The following TWSG1 variants were observed in gnomAD, a reference collection of about 807,000 sequenced individuals.
The protein encoded by TWSG1 is twisted gastrulation BMP signaling modulator 1.
TWSG1 carries 15 observed loss-of-function variants against 23.0 expected under a neutral mutation model. The observed-to-expected ratio is 0.65, with a 90% confidence interval of 0.44 to 1.00. TWSG1 has a LOEUF of 1.00. Ranked by LOEUF, TWSG1 falls within the 50% of genes least tolerant of loss-of-function variation. TWSG1 has a pLI of 0.00. For synonymous variants in TWSG1, 86 were observed against 92.8 expected, an observed-to-expected ratio of 0.93 and a Z score of 0.42; for missense variants, 242 against 278.7, an observed-to-expected ratio of 0.87 and a Z score of 0.94.
Position 9,378,494 on chromosome 18 carries a change from T to A in TWSG1, c.224-17786T>A, listed in dbSNP as rs111882186. Among the ~76,000 whole-genome samples the A allele has an allele frequency of 6.6e-3, 1,006 of 152,204 alleles. 10 individuals carry two copies. Among genetic ancestry groups the A allele is most frequent in the African/African-American group, 0.021 (855 of 41,526 alleles). ...ACCAGCACCCATGCTGAGAGCCAAA[T>A]TAGGAACTCAATCCCATTCACAGTT... On this transcript the variant is annotated intron_variant, in intron 3 of 4. Transcript: ENST00000262120.
At chr18:9,359,011 C>T (rs1376197502) in intron 2 of TWSG1, among the ~76,000 whole-genome samples, 1 of 152,092 alleles carries the variant, frequency 6.6e-6, no homozygotes, top group Non-Finnish European at 1.5e-5. Flanking sequence ...AAAGGAATTG[C>T]TTTAGAACTT....
At chr18:9,340,768 A>G (rs540520287) in intron 2 of TWSG1, among the ~76,000 whole-genome samples, 18 of 152,380 alleles carry the variant, frequency 1.2e-4, no homozygotes, top group Non-Finnish European at 2.5e-4. Context: ...GAAAAGATCT[A>G]CATCTACCCT....
Position 9,335,560 on chromosome 18 carries a change from T to C in TWSG1, c.-38+640T>C, listed in dbSNP as rs140927819. On this transcript the variant is annotated intron_variant, in intron 1 of 4. Coordinates refer to ENST00000262120, the MANE Select transcript of TWSG1 (RefSeq NM_020648.6). ...GGGGAAATCCCAGTTTTCATGGTTG[T>C]AGGATGAAAACTAGTTCCACGACAG... Among the ~76,000 whole-genome samples the C allele has an allele frequency of 8.6e-3, 1,315 of 152,360 alleles. 11 individuals are homozygous for C. The highest frequency in any genetic ancestry group is 0.011 in the Non-Finnish European group (748 of 68,034).
chr18:9,387,725 G>A (rs924161777), intron 3 of TWSG1, among the ~76,000 whole-genome samples: 6 of 149,356 alleles, frequency 4.0e-5, no homozygotes, highest in East Asian at 2.0e-4. Context: ...AGCCGAGATC[G>A]TGCCATTGTA....
intron 2 of TWSG1, among the ~76,000 whole-genome samples, chr18:9,339,931 A>G (rs569838607): frequency 3.1e-4 from 47 of 152,368 alleles, no homozygotes; most frequent in Middle Eastern, 3.4e-3. Context: ...AAAATCAGCT[A>G]GGACGTATTT....
intron 1 of TWSG1, among the ~76,000 whole-genome samples, chr18:9,336,114 C>T (rs2040421831): frequency 6.6e-6 from 1 of 152,072 alleles, no homozygotes; most frequent in African/African-American, 2.4e-5. Flanking sequence ...ATATCTTGGC[C>T]GGGCGCGGTA....
At chr18:9,335,785 C>CT (rs1371541199) in intron 1 of TWSG1, among the ~76,000 whole-genome samples, 1 of 152,312 alleles carries the variant, frequency 6.6e-6, no homozygotes, top group South Asian at 2.1e-4. Flanking sequence ...GCCCTTTATT[C>CT]TTTTCACCCT....
At chr18:9,355,334 C>T (rs2040521328) in intron 2 of TWSG1, among the ~76,000 whole-genome samples, 1 of 152,092 alleles carries the variant, frequency 6.6e-6, no homozygotes, top group Non-Finnish European at 1.5e-5. Flanking sequence ...TTTCTGTAAT[C>T]CTTGTTTCAT....
chr18:9,339,817 T>C (rs527839095), intron 2 of TWSG1, among the ~76,000 whole-genome samples: 1 of 151,038 alleles, frequency 6.6e-6, no homozygotes. Context: ...AAAAAAATTG[T>C]AAAAAAACAA....
rs182542500 is a variant in TWSG1 at position 9,363,389 on chromosome 18, A to G, written c.223+3318A>G. Among the ~76,000 whole-genome samples, 581 of 152,152 alleles carry G rather than the reference A, an allele frequency of 3.8e-3. 4 individuals carry two copies. The highest frequency in any genetic ancestry group is 0.013 in the African/African-American group (556 of 41,514). On this transcript the variant is annotated intron_variant, in intron 3 of 4. Coordinates refer to ENST00000262120, the MANE Select transcript of TWSG1 (RefSeq NM_020648.6). ...AAAAATAGAGAGTACAGTGATACGT[A>G]CTACCTGTTCCAATAGTCATTAATA... is the stretch of plus-strand genomic sequence containing the variant.
intron 3 of TWSG1, among the ~76,000 whole-genome samples, chr18:9,375,696 A>G (rs1263314042): frequency 2.0e-5 from 3 of 152,234 alleles, no homozygotes; most frequent in Admixed American, 6.5e-5. Flanking sequence ...CATACCAGCA[A>G]TGAACAGTAG....
chr18:9,380,955 T>G (rs2040653140), intron 3 of TWSG1, among the ~76,000 whole-genome samples: 1 of 152,220 alleles, frequency 6.6e-6, no homozygotes, highest in Non-Finnish European at 1.5e-5. Context: ...TCTAACATCA[T>G]CAGCCAAATT....
intron 3 of TWSG1, among the ~76,000 whole-genome samples, chr18:9,366,636 G>A (rs893271914): frequency 1.4e-4 from 21 of 152,114 alleles, no homozygotes; most frequent in African/African-American, 4.8e-4. Flanking sequence ...AGATAGATCC[G>A]TTGGTTCCTG....
intron 3 of TWSG1, among the ~76,000 whole-genome samples, chr18:9,391,805 C>T (rs529221928): frequency 6.6e-6 from 1 of 152,324 alleles, no homozygotes; most frequent in Admixed American, 6.5e-5. Context: ...GGTTTCAGAA[C>T]AGCTGCTGTG....
chr18:9,357,095 A>G (rs2040530588), intron 2 of TWSG1, among the ~76,000 whole-genome samples: 1 of 151,948 alleles, frequency 6.6e-6, no homozygotes, highest in South Asian at 2.1e-4. Flanking sequence ...CTGTTTTTCT[A>G]CATTTCCAAC....
intron 2 of TWSG1, among the ~76,000 whole-genome samples, chr18:9,337,893 G>T (rs2040429898): frequency 6.6e-6 from 1 of 152,202 alleles, no homozygotes; most frequent in South Asian, 2.1e-4. Context: ...CAGGCAAGTT[G>T]TTGGCTGGGA....
intron 3 of TWSG1, among the ~76,000 whole-genome samples, chr18:9,362,763 C>G (rs1377867497): frequency 6.6e-6 from 1 of 152,036 alleles, no homozygotes; most frequent in African/African-American, 2.4e-5. Flanking sequence ...ATGCTTATAT[C>G]TCTACAATTT....
chr18:9,370,357 C>T (rs2040599263), intron 3 of TWSG1, among the ~76,000 whole-genome samples: 1 of 151,954 alleles, frequency 6.6e-6, no homozygotes, highest in Non-Finnish European at 1.5e-5. Context: ...TGTCGTGGCA[C>T]TTTCTGTATT....
At chr18:9,336,770 C>T (rs2040425314) in intron 1 of TWSG1, among the ~76,000 whole-genome samples, 1 of 152,338 alleles carries the variant, frequency 6.6e-6, no homozygotes, top group East Asian at 1.9e-4. Flanking sequence ...TCTACTTTCA[C>T]AGTCACCATT....
Sources: allele counts gnomAD v4.1 joint callset (sites outside exome capture counted in the v4.1 genomes callset), GRCh38; gene constraint gnomAD v4.1.1; transcripts MANE v1.5; gene names NCBI Gene and HGNC (gene_info 2026-07-23, HGNC 2026-07-21).